The following SDHC variants were observed in gnomAD, a reference collection of about 807,000 sequenced individuals.
The protein encoded by SDHC is succinate dehydrogenase complex subunit C, also known as succinate dehydrogenase cytochrome b560 subunit, mitochondrial.
A neutral mutation model predicts 22.6 loss-of-function variants in SDHC; 11 were observed. The observed-to-expected ratio is 0.49, with a 90% CI of 0.31 to 0.81. The LOEUF (loss-of-function observed/expected upper bound fraction) is 0.81, where lower values mean the gene tolerates loss of function less well. Among genes scored for constraint, SDHC ranks in the 30% least tolerant of loss-of-function variants. SDHC has a pLI of 0.05. For missense variants in SDHC, 160 were observed against 212.0 expected (o/e 0.75, Z 1.52); for synonymous variants, 80 against 77.8 (o/e 1.03, Z -0.15).
chr1:161,333,831 TAA>T (rs1431564751), intron 3 of SDHC, among the ~76,000 whole-genome samples: 1 of 152,216 alleles, frequency 6.6e-6, no homozygotes, highest in Non-Finnish European at 1.5e-5. Flanking sequence ...ATATTTCTAC[TAA>T]AATCTGTTCA....
intron 4 of SDHC, among the ~76,000 whole-genome samples, chr1:161,352,293 T>G (rs7547940): frequency 2.0e-4 from 30 of 152,212 alleles, no homozygotes; most frequent in Admixed American, 3.9e-4. Context: ...AATATTCCTG[T>G]TTGAAGAGGT....
At chr1:161,335,868 T>C (rs1343275772) in intron 3 of SDHC, among the ~76,000 whole-genome samples, 1 of 152,160 alleles carries the variant, frequency 6.6e-6, no homozygotes, top group Non-Finnish European at 1.5e-5. Context: ...AGAAGTGGCA[T>C]TGATAACAGT....
intron 4 of SDHC, among the ~76,000 whole-genome samples, chr1:161,340,907 G>A (rs914833483): frequency 6.6e-6 from 1 of 152,088 alleles, no homozygotes; most frequent in African/African-American, 2.4e-5. Flanking sequence ...GCAGTGGCGC[G>A]ATCTCGGCTC....
intron 4 of SDHC, among the ~76,000 whole-genome samples, chr1:161,353,404 G>C (rs1303361535): frequency 6.6e-6 from 1 of 152,132 alleles, no homozygotes; most frequent in African/African-American, 2.4e-5. Flanking sequence ...TCAAAAGATA[G>C]TTTTGAATTT....
chr1:161,335,065 GGAGA>G (rs1671421566), intron 3 of SDHC, among the ~76,000 whole-genome samples: 2 of 152,114 alleles, frequency 1.3e-5, no homozygotes, highest in South Asian at 4.1e-4. Context: ...CTGCAGTATG[GGAGA>G]GATTTTTAGT....
rs1671413324 is a variant in SDHC, at chr1:161,334,910, A to C, written c.180-5684A>C. Among the ~76,000 whole-genome samples the C allele has an allele frequency of 2.0e-5, 3 of 152,238 alleles. No homozygotes were observed. The South Asian group carries it at 6.2e-4, about 31-fold the overall frequency. On this transcript the variant is annotated intron_variant, in intron 3 of 5. Coordinates refer to ENST00000367975, the MANE Select transcript of SDHC (RefSeq NM_003001.5). The stretch of plus-strand genomic sequence containing the variant: ...CTGTGCATTTCCTCAATTGCAAGAC[A>C]GTCTCCAAAGTACAACCATCACAAT...
chr1:161,347,205 G>A (rs1379770544), intron 4 of SDHC, among the ~76,000 whole-genome samples: 1 of 152,150 alleles, frequency 6.6e-6, no homozygotes, highest in African/African-American at 2.4e-5. Context: ...GAAAGGCATA[G>A]GGATTGGAAA....
intron 1 of SDHC, among the ~76,000 whole-genome samples, chr1:161,318,199 A>G (rs1487760697): frequency 6.6e-6 from 1 of 152,028 alleles, no homozygotes; most frequent in Non-Finnish European, 1.5e-5. Context: ...ACTGTGTTAT[A>G]CAATAGATCT....
In SDHC at chr1:161,362,325, A is replaced by G. The variant is rs755056779; in HGVS notation, c.406-4A>G. 5 of 1,604,416 alleles carry G rather than the reference A, an allele frequency of 3.1e-6. No individual in the cohort carries two copies. The highest frequency in any genetic ancestry group is 3.4e-6 in the Non-Finnish European group (4 of 1,177,514). ...CCTTTTTTTTTTTTTTGCTTTGTCCACAGATGTGGGACCTAGGAAAAGGCC... is the reference window on the plus strand; with the variant it reads ...CCTTTTTTTTTTTTTTGCTTTGTCCGCAGATGTGGGACCTAGGAAAAGGCC... On this transcript the variant is annotated splice_polypyrimidine_tract_variant and splice_region_variant and intron_variant, in intron 5 of 5. Transcript: ENST00000367975.
intron 2 of SDHC, among the ~76,000 whole-genome samples, chr1:161,328,007 A>AATT (rs1258472271): frequency 1.2e-4 from 17 of 138,322 alleles, no homozygotes; most frequent in African/African-American, 3.2e-4. Context: ...GATACTGCAA[A>AATT]TTTTTTTTTT....
chr1:161,329,209 A>G (rs1571852765), intron 3 of SDHC, among the ~76,000 whole-genome samples: 1 of 151,710 alleles, frequency 6.6e-6, no homozygotes, highest in African/African-American at 2.4e-5. Flanking sequence ...CCCGGCCACA[A>G]CTTCTTAAAT....
rs113319040 is a variant in SDHC, at chr1:161,319,639, G to A, written c.21-3975G>A. ...TTTTTGTATTTTTACTAGAGGTGGG[G>A]TTTCACCATGTCGGCCAGGCTTGTC... On this transcript the variant is annotated intron_variant, in intron 1 of 5. Coordinates refer to ENST00000367975, the MANE Select transcript of SDHC (RefSeq NM_003001.5). Among the ~76,000 whole-genome samples the A allele has an allele frequency of 9.9e-3, 1,507 of 152,106 alleles. 14 individuals are homozygous for A. The highest frequency in any genetic ancestry group is 0.017 in the Non-Finnish European group (1,159 of 67,982).
chr1:161,339,349 AT>A (rs112525066), intron 3 of SDHC, among the ~76,000 whole-genome samples: 4,602 of 137,332 alleles, frequency 0.034, 134 homozygotes, highest in African/African-American at 0.079. Context: ...CACCCAGCTA[AT>A]TTTTTTTTTT....
chr1:161,342,631 C>T (rs1459316038), intron 4 of SDHC, among the ~76,000 whole-genome samples: 1 of 152,026 alleles, frequency 6.6e-6, no homozygotes, highest in Non-Finnish European at 1.5e-5. Flanking sequence ...ATTCTTCTGC[C>T]TCAACCTCTC....
At chr1:161,339,716 C>A (rs1166606327) in intron 3 of SDHC, 1 of 268,406 alleles carries the variant, frequency 3.7e-6, no homozygotes, top group African/African-American at 3.3e-5. Context: ...CTCTTGTTGC[C>A]CAGACTGGAG....
chr1:161,333,676 A>G (rs1671368424), intron 3 of SDHC, among the ~76,000 whole-genome samples: 2 of 152,216 alleles, frequency 1.3e-5, no homozygotes, highest in African/African-American at 4.8e-5. Context: ...TGCTGGGATT[A>G]CAGGCATGAG....
intron 4 of SDHC, among the ~76,000 whole-genome samples, chr1:161,348,164 T>G (rs79028594): frequency 0.12 from 17,723 of 152,002 alleles, 1,379 homozygotes; most frequent in African/African-American, 0.22. Context: ...TTTGTTTGTT[T>G]GTTTTTTTTT....
chr1:161,341,292 C>A (rs183782769), intron 4 of SDHC, among the ~76,000 whole-genome samples: 1 of 152,272 alleles, frequency 6.6e-6, no homozygotes, highest in Non-Finnish European at 1.5e-5. Context: ...TCCAGAAGCT[C>A]AGTTTTAGCA....
At chr1:161,360,577 T>G (rs890145005) in intron 5 of SDHC, among the ~76,000 whole-genome samples, 270 of 102,820 alleles carry the variant, frequency 2.6e-3, no homozygotes, top group Middle Eastern at 4.7e-3. Context: ...AAAAAAAAAG[T>G]GGGGGTGGGT....
Sources: gnomAD v4.1 joint callset for allele counts (sites outside exome capture counted in the v4.1 genomes callset) on GRCh38, gnomAD v4.1.1 for gene constraint, MANE v1.5 for transcripts, NCBI Gene and HGNC (gene_info 2026-07-23, HGNC 2026-07-21) for gene names.